RASA3: variants seen among roughly 807,000 people sequenced by gnomAD.
RASA3 encodes the protein ras GTPase-activating protein 3.
Under a neutral mutation model 110.0 loss-of-function variants are expected in RASA3, and 73 were observed. That is an observed-to-expected ratio of 0.66 (90% CI 0.55 to 0.81). RASA3 has a LOEUF of 0.81. RASA3 is among the 30% of genes least tolerant of loss of function. The pLI is 0.00. For synonymous variants in RASA3, 500 were observed against 451.4 expected (o/e 1.11, Z -1.37); for missense variants, 976 against 1,113.2 (o/e 0.88, Z 1.75).
Position 114,060,007 on chromosome 13 carries a change from C to T in RASA3, c.174-7852G>A, listed in dbSNP as rs573926478. On this transcript the variant is annotated intron_variant, in intron 2 of 23. Coordinates refer to ENST00000334062, the MANE Select transcript of RASA3 (RefSeq NM_007368.4). ...ACAGGGAGGCTTACGGACGAGTGAG[C>T]GCTTGAACAGCGCTGTGGACGGTGA... Among the ~76,000 whole-genome samples the T allele has an allele frequency of 3.9e-4, 60 of 152,336 alleles. 1 individual carries two copies. Among genetic ancestry groups the T allele is most frequent in the Admixed American group, 2.2e-3 (34 of 15,306 alleles).
At chr13:114,121,601 G>T (rs879561268) in intron 1 of RASA3, among the ~76,000 whole-genome samples, 1 of 152,160 alleles carries the variant, frequency 6.6e-6, no homozygotes. Flanking sequence ...ATAAGGATGC[G>T]GACTCCTCCC....
chr13:114,102,790 C>T (rs534627135), intron 1 of RASA3, among the ~76,000 whole-genome samples: 1 of 152,308 alleles, frequency 6.6e-6, no homozygotes, highest in East Asian at 1.9e-4. Flanking sequence ...TTCCTGACCC[C>T]TGGGGAGGGC....
intron 1 of RASA3, among the ~76,000 whole-genome samples, chr13:114,131,253 G>T (rs2080513752): frequency 6.6e-6 from 1 of 152,146 alleles, no homozygotes; most frequent in Admixed American, 6.5e-5. Flanking sequence ...GCCCGTTCCC[G>T]GAGGCCTCTT....
chr13:114,026,634 C>T (rs1251293960), intron 7 of RASA3, among the ~76,000 whole-genome samples: 1 of 152,232 alleles, frequency 6.6e-6, no homozygotes, highest in Non-Finnish European at 1.5e-5. Context: ...CCCACTCAGC[C>T]ATCATGGCTC....
chr13:114,034,770 C>A (rs117809510), intron 4 of RASA3, among the ~76,000 whole-genome samples: 2 of 152,132 alleles, frequency 1.3e-5, no homozygotes, highest in South Asian at 4.1e-4. Context: ...TAAAATGTTC[C>A]GGAATAAACA....
At chr13:114,089,879 T>C (rs1393340518) in intron 1 of RASA3, among the ~76,000 whole-genome samples, 1 of 151,052 alleles carries the variant, frequency 6.6e-6, no homozygotes, top group African/African-American at 2.4e-5. Context: ...TCCTGGACAT[T>C]TCATGGAATG....
At chr13:114,095,989 A>T (rs764387498) in intron 1 of RASA3, among the ~76,000 whole-genome samples, 2 of 152,242 alleles carry the variant, frequency 1.3e-5, no homozygotes, top group Non-Finnish European at 2.9e-5. Context: ...ACTACAAGCT[A>T]ATCAACGTTA....
chr13:114,046,355 TG>T (rs1296940242), intron 3 of RASA3, among the ~76,000 whole-genome samples: 1 of 152,186 alleles, frequency 6.6e-6, no homozygotes, highest in African/African-American at 2.4e-5. Flanking sequence ...GTGGCAGCTC[TG>T]AAACTGCTCC....
chr13:114,109,516 C>T (rs529390738), intron 1 of RASA3, among the ~76,000 whole-genome samples: 7 of 152,320 alleles, frequency 4.6e-5, no homozygotes, highest in Non-Finnish European at 8.8e-5. Context: ...TCAGCACCTA[C>T]GGTGGGCTGC....
chr13:114,007,622 A>G lies in RASA3; in HGVS notation c.1669-16T>C. The stretch of plus-strand genomic sequence containing the variant: ...GATCCAAGAACTAAAGTTGGAAGAA[A>G]TCAGGTCACCGGGAGGAAGCCACAC... On this transcript the variant is annotated splice_polypyrimidine_tract_variant and intron_variant, in intron 17 of 23. Transcript: ENST00000334062. The G allele has an allele frequency of 6.2e-7, 1 of 1,601,890 alleles. No individual in the cohort carries two copies. Among genetic ancestry groups the G allele is most frequent in the African/African-American group, 1.3e-5 (1 of 74,800 alleles).
At position 114,109,921 on chromosome 13, in the gene RASA3, G is replaced by A. The variant is rs1027571507; in HGVS notation, c.55+22514C>T. Among the ~76,000 whole-genome samples the A allele has an allele frequency of 3.3e-5, 5 of 152,166 alleles. No individual in the cohort carries two copies. In the South Asian group the frequency reaches 8.3e-4, roughly 25 times the overall value. ...GCAGCCCCCAGAACACCCTTGGGGCGCAACTTCCCGGTGAACGTCCCGTCT... is the reference window on the plus strand; with the variant it reads ...GCAGCCCCCAGAACACCCTTGGGGCACAACTTCCCGGTGAACGTCCCGTCT... On this transcript the variant is annotated intron_variant, in intron 1 of 23. Coordinates refer to ENST00000334062, the MANE Select transcript of RASA3 (RefSeq NM_007368.4).
At chr13:114,000,064 G>A (rs1473901774) in intron 19 of RASA3, among the ~76,000 whole-genome samples, 3 of 120,994 alleles carry the variant, frequency 2.5e-5, no homozygotes, top group Non-Finnish European at 3.5e-5. Flanking sequence ...CTGCTGGGGG[G>A]GGGTCTCTGC....
At chr13:114,082,507 T>A (rs369205891) in intron 1 of RASA3, among the ~76,000 whole-genome samples, 126 of 152,350 alleles carry the variant, frequency 8.3e-4, no homozygotes, top group African/African-American at 3.0e-3. Context: ...GCTCCGAGGC[T>A]GCTCCCCGGG....
In RASA3 at chr13:114,027,438, A is replaced by G. The variant is rs1384097486; in HGVS notation, c.554T>C (p.Val185Ala). Reference protein sequence around the residue: ...PFRSEAKKTKVKRKTNNPQFD... With the variant: ...PFRSEAKKTKAKRKTNNPQFD... ...CTGGGGATTGTTGGTCTTCCTCTTCACTTTCGTCTTCTTTGCTTCTGATCT... is the reference window on the plus strand; with the variant it reads ...CTGGGGATTGTTGGTCTTCCTCTTCGCTTTCGTCTTCTTTGCTTCTGATCT... Residue 185 changes from valine to alanine, a missense_variant, in exon 7 of 24, where the codon GTG (valine) becomes GCG (alanine). Val to Ala is a moderately conservative substitution (Grantham distance 64). Around this residue, in one of 4 missense-constraint regions of RASA3, gnomAD observed 732 missense variants for 779.7 expected, o/e 0.94. Coordinates refer to ENST00000334062, the MANE Select transcript of RASA3 (RefSeq NM_007368.4). 6.2e-7 allele frequency: 1 copy of G among 1,613,210 alleles called. No homozygotes were observed. Among genetic ancestry groups the G allele is most frequent in the South Asian group, 1.1e-5 (1 of 91,068 alleles).
At chr13:113,979,752 C>T (rs1350788011) in intron 23 of RASA3, among the ~76,000 whole-genome samples, 4 of 152,118 alleles carry the variant, frequency 2.6e-5, no homozygotes, top group African/African-American at 7.2e-5. Context: ...AGAGTGTGCT[C>T]ATGTGTGGGG....
intron 1 of RASA3, among the ~76,000 whole-genome samples, chr13:114,099,448 C>T (rs1388261630): frequency 6.6e-6 from 1 of 151,838 alleles, no homozygotes; most frequent in Non-Finnish European, 1.5e-5. Flanking sequence ...TTTCCAGGCA[C>T]ATTTGGATTC....
At chr13:114,020,181 AGCCCCCGCC>A (rs2053894010) in intron 9 of RASA3, among the ~76,000 whole-genome samples, 1 of 50,912 alleles carries the variant, frequency 2.0e-5, no homozygotes, top group Non-Finnish European at 3.6e-5. Context: ...CCGAGGCATT[AGCCCCCGCC>A]AGGTGGGTGG....
intron 2 of RASA3, among the ~76,000 whole-genome samples, chr13:114,062,188 G>GCT (rs1555337871): frequency 6.7e-6 from 1 of 148,704 alleles, no homozygotes; most frequent in East Asian, 2.0e-4. Flanking sequence ...TTTCCTGTGG[G>GCT]TTTTTTTTTT....
At chr13:114,123,694 G>A (rs1035096286) in intron 1 of RASA3, among the ~76,000 whole-genome samples, 1 of 152,256 alleles carries the variant, frequency 6.6e-6, no homozygotes, top group Non-Finnish European at 1.5e-5. Context: ...CTCTCAGCAA[G>A]GGGCTGAGGA....
Sources: allele counts gnomAD v4.1 joint callset (sites outside exome capture counted in the v4.1 genomes callset), GRCh38; gene constraint gnomAD v4.1.1; regional missense constraint gnomAD v4.1.1; transcripts MANE v1.5; gene names NCBI Gene and HGNC (gene_info 2026-07-23, HGNC 2026-07-21).